JAKMIP1: variants seen among roughly 807,000 people sequenced by gnomAD.
JAKMIP1 encodes janus kinase and microtubule interacting protein 1.
A neutral mutation model predicts 113.0 loss-of-function variants in JAKMIP1; 33 were observed. The observed-to-expected ratio is 0.29, with a 90% CI of 0.22 to 0.39. The LOEUF is 0.39. Among genes scored for constraint, JAKMIP1 ranks in the 10% least tolerant of loss-of-function variants. JAKMIP1 has a pLI of 1.00. For synonymous variants in JAKMIP1, 480 were observed against 459.9 expected (o/e 1.04, Z -0.56); for missense variants, 813 against 1,080.5 (o/e 0.75, Z 3.47).
chr4:6,030,004 G>A (rs1429152424), intron 19 of JAKMIP1, among the ~76,000 whole-genome samples: 1 of 152,124 alleles, frequency 6.6e-6, no homozygotes, highest in Non-Finnish European at 1.5e-5. Context: ...CTCAATTCCA[G>A]CTCTGCAAAG....
chr4:6,046,786 T>G (rs962273824), intron 16 of JAKMIP1, among the ~76,000 whole-genome samples: 3 of 152,062 alleles, frequency 2.0e-5, no homozygotes, highest in Non-Finnish European at 4.4e-5. Context: ...CTGCTGTGGG[T>G]CGGGCGTGGG....
chr4:6,061,067 A>G lies in JAKMIP1; in HGVS notation c.1561-560T>C, dbSNP rs761705889. ...GTGGGGACTGTGGCAAGCCAGAGGC[A>G]CACGTCCCATCTCAGGGAGACACTG... On this transcript the variant is annotated intron_variant, in intron 10 of 20. Coordinates refer to ENST00000409021, the MANE Select transcript of JAKMIP1 (RefSeq NM_001099433.2). This position sits in a 1 kb window ranked among gnomAD's most constrained non-coding sequence, Gnocchi z 5.3. Among the ~76,000 whole-genome samples, 1 of 152,234 alleles carries G rather than the reference A, an allele frequency of 6.6e-6. No individual in the cohort carries two copies. Among genetic ancestry groups the G allele is most frequent in the African/African-American group, 2.4e-5 (1 of 41,474 alleles).
chr4:6,053,468 G>A (rs144230755), intron 13 of JAKMIP1, among the ~76,000 whole-genome samples: 77 of 152,280 alleles, frequency 5.1e-4, no homozygotes, highest in African/African-American at 1.8e-3. Flanking sequence ...TTTCTTAAAC[G>A]CCTATGCAAA....
rs1311795015 is a variant in JAKMIP1 at position 6,044,046 on chromosome 4, T to C, written c.2029-1819A>G. 6.6e-6 allele frequency among the ~76,000 whole-genome samples: 1 copy of C among 151,938 alleles called. No homozygotes were observed. Among genetic ancestry groups the C allele is most frequent in the Non-Finnish European group, 1.5e-5 (1 of 67,978 alleles). On this transcript the variant is annotated intron_variant, in intron 16 of 20. Coordinates refer to ENST00000409021, the MANE Select transcript of JAKMIP1 (RefSeq NM_001099433.2). The surrounding 1 kb of genome is among the most constrained non-coding windows in gnomAD (Gnocchi z 4.4). ...CCTCAGCCCCAGGCCTTTAACAAGC[T>C]AGCATCACTCAGTCTTCAGGCCCTG...
At position 6,105,796 on chromosome 4, in the gene JAKMIP1, G is replaced by A. The variant is rs1177961270; in HGVS notation, c.301C>T (p.Arg101Cys). ...TCGCCCTCCTTGATCTTGGCGGTGC[G>A]CGCCGCCTCCTGCTCGTGCTGCCGG... ...LIRQHEQEAA[R>C]TAKIKEGELQ... The change falls in exon 3 of 21, where the codon CGC becomes TGC. Residue 101 changes from arginine (R) to cysteine (C), a missense_variant. Arg to Cys is a radical substitution (Grantham distance 180, BLOSUM62 -3). Coordinates refer to ENST00000409021, the MANE Select transcript of JAKMIP1 (RefSeq NM_001099433.2). 6 of 1,608,366 alleles carry A rather than the reference G, an allele frequency of 3.7e-6. No homozygotes were observed. The highest frequency in any genetic ancestry group is 3.4e-6 in the Non-Finnish European group (4 of 1,179,576).
rs1440983000 is a variant in JAKMIP1 at position 6,129,201 on chromosome 4, A to C, written c.-147-16204T>G. 6.6e-6 allele frequency among the ~76,000 whole-genome samples: 1 copy of C among 152,202 alleles called. No homozygotes were observed. The highest frequency in any genetic ancestry group is 1.9e-4 in the East Asian group (1 of 5,186). On this transcript the variant is annotated intron_variant, in intron 1 of 20. Coordinates refer to ENST00000409021, the MANE Select transcript of JAKMIP1 (RefSeq NM_001099433.2). This position sits in a 1 kb window ranked among gnomAD's most constrained non-coding sequence, Gnocchi z 5.4. ...GGAGGACACACGCCATCCAGCCATC[A>C]AGGGACACAGGTTTCCTGATTCCTT...
rs1310515836 is a variant in JAKMIP1 at position 6,094,135 on chromosome 4, G to A, written c.625-8506C>T. On this transcript the variant is annotated intron_variant, in intron 3 of 20. Transcript: ENST00000409021. The surrounding 1 kb of genome is among the most constrained non-coding windows in gnomAD (Gnocchi z 4.2). ...GGCATCTATATAGGGAACATGCATC[G>A]AACACATGCCACTGTCAGTTCATGA... Among the ~76,000 whole-genome samples the A allele has an allele frequency of 1.3e-5, 2 of 151,864 alleles. No individual in the cohort carries two copies. The highest frequency in any genetic ancestry group is 2.9e-5 in the Non-Finnish European group (2 of 67,986).
In JAKMIP1 at chr4:6,061,575, G is replaced by A. The variant is rs1316177029; in HGVS notation, c.1560+737C>T. ...CCGAGAAACCTGGCCTCGACTCCCA[G>A]CTCTGTTCAGCATCATCTGGGTATT... On this transcript the variant is annotated intron_variant, in intron 10 of 20. Transcript: ENST00000409021. This position sits in a 1 kb window ranked among gnomAD's most constrained non-coding sequence, Gnocchi z 5.3. Among the ~76,000 whole-genome samples, 1 of 152,190 alleles carries A rather than the reference G, an allele frequency of 6.6e-6. No homozygotes were observed. Among genetic ancestry groups the A allele is most frequent in the African/African-American group, 2.4e-5 (1 of 41,434 alleles).
At chr4:6,117,553 T>C (rs993170199) in intron 1 of JAKMIP1, among the ~76,000 whole-genome samples, 11 of 152,138 alleles carry the variant, frequency 7.2e-5, no homozygotes, top group African/African-American at 2.7e-4. Flanking sequence ...AATGAAGTTT[T>C]GGGCACCATT....
intron 8 of JAKMIP1, among the ~76,000 whole-genome samples, chr4:6,066,642 TC>T (rs1314246011): frequency 6.6e-6 from 1 of 151,820 alleles, no homozygotes; most frequent in Admixed American, 6.6e-5. Flanking sequence ...CCAGGAGTCC[TC>T]CCCTGTCTTC....
At position 6,156,223 on chromosome 4, in the gene JAKMIP1, G is replaced by A. The variant is rs1419071002; in HGVS notation, c.-147-43226C>T. On this transcript the variant is annotated intron_variant, in intron 1 of 20. Transcript: ENST00000409021. The surrounding 1 kb of genome is among the most constrained non-coding windows in gnomAD (Gnocchi z 5.0). ...CCAGCCACGCGCAAAGCCAGCCCTC[G>A]GAAGTGGCCCGCCAACACAGGAACA... 6.6e-6 allele frequency among the ~76,000 whole-genome samples: 1 copy of A among 152,202 alleles called. No homozygotes were observed. Among genetic ancestry groups the A allele is most frequent in the Non-Finnish European group, 1.5e-5 (1 of 68,034 alleles).
At chr4:6,146,286 G>T (rs1362502470) in intron 1 of JAKMIP1, among the ~76,000 whole-genome samples, 1 of 152,084 alleles carries the variant, frequency 6.6e-6, no homozygotes, top group East Asian at 1.9e-4. Context: ...TTTCAGTTTT[G>T]CTTAATGAAA....
At chr4:6,053,523 C>T (rs1715945496) in intron 13 of JAKMIP1, among the ~76,000 whole-genome samples, 1 of 152,136 alleles carries the variant, frequency 6.6e-6, no homozygotes, top group Non-Finnish European at 1.5e-5. Flanking sequence ...TTTACCTTGG[C>T]AAATAGAAAA....
At chr4:6,190,443 T>G (rs1727131931) in intron 1 of JAKMIP1, among the ~76,000 whole-genome samples, 1 of 152,018 alleles carries the variant, frequency 6.6e-6, no homozygotes, top group African/African-American at 2.4e-5. Context: ...CTACACTCTT[T>G]CCATAAGTGA....
chr4:6,156,345 C>A lies in JAKMIP1; in HGVS notation c.-147-43348G>T, dbSNP rs1288375746. Among the ~76,000 whole-genome samples, 8 of 152,296 alleles carry A rather than the reference C, an allele frequency of 5.3e-5. No homozygotes were observed. The East Asian group carries it at 1.5e-3, about 29-fold the overall frequency. On this transcript the variant is annotated intron_variant, in intron 1 of 20. Transcript: ENST00000409021. The surrounding 1 kb of genome is among the most constrained non-coding windows in gnomAD (Gnocchi z 5.0). Reference sequence around the variant, plus strand: ...CCCCATCATCATTTAATGAATAGCACTTTTTCCCATTTCTTTAGTGGTACA... The same window carrying A: ...CCCCATCATCATTTAATGAATAGCAATTTTTCCCATTTCTTTAGTGGTACA...
In JAKMIP1 at chr4:6,138,534, G is replaced by T. The variant is rs561552067; in HGVS notation, c.-147-25537C>A. 3.7e-4 allele frequency among the ~76,000 whole-genome samples: 57 copies of T among 152,220 alleles called. No individual in the cohort carries two copies. Among genetic ancestry groups the T allele is most frequent in the African/African-American group, 1.3e-3 (55 of 41,508 alleles). On this transcript the variant is annotated intron_variant, in intron 1 of 20. Coordinates refer to ENST00000409021, the MANE Select transcript of JAKMIP1 (RefSeq NM_001099433.2). The surrounding 1 kb of genome is among the most constrained non-coding windows in gnomAD (Gnocchi z 6.0). ...TTACAGGCGTGAGCCACTGCACCTG[G>T]CCTAGAATCCAAGTTAAAATTAAAG...
rs1223850769 is a variant in JAKMIP1, at chr4:6,150,990, T to C, written c.-147-37993A>G. ...AACACCTGGTGAAGGCTGCTGGGGATGGCAGCTCTTTCTCCCCAAGCTTTG... is the reference window on the plus strand; with the variant it reads ...AACACCTGGTGAAGGCTGCTGGGGACGGCAGCTCTTTCTCCCCAAGCTTTG... On this transcript the variant is annotated intron_variant, in intron 1 of 20. Coordinates refer to ENST00000409021, the MANE Select transcript of JAKMIP1 (RefSeq NM_001099433.2). The surrounding 1 kb of genome is among the most constrained non-coding windows in gnomAD (Gnocchi z 4.8). Among the ~76,000 whole-genome samples, 1 of 152,126 alleles carries C rather than the reference T, an allele frequency of 6.6e-6. No individual in the cohort carries two copies. Among genetic ancestry groups the C allele is most frequent in the Non-Finnish European group, 1.5e-5 (1 of 68,020 alleles).
chr4:6,131,162 C>CAAAAAAAAA (rs1269297167), intron 1 of JAKMIP1, among the ~76,000 whole-genome samples: 6 of 18,100 alleles, frequency 3.3e-4, no homozygotes, highest in African/African-American at 1.4e-3. Context: ...ACCTTGCCTC[C>CAAAAAAAAA]AAAAAAAAAA....
chr4:6,055,041 T>C (rs531936978), intron 12 of JAKMIP1, among the ~76,000 whole-genome samples: 142 of 147,436 alleles, frequency 9.6e-4, no homozygotes, highest in African/African-American at 3.7e-3. Flanking sequence ...CAAATGCCCT[T>C]GAGAAATGCA....
Sources: allele counts gnomAD v4.1 joint callset (sites outside exome capture counted in the v4.1 genomes callset), GRCh38; gene constraint gnomAD v4.1.1; non-coding constraint Gnocchi (gnomAD v3.1); transcripts MANE v1.5; gene names NCBI Gene and HGNC (gene_info 2026-07-23, HGNC 2026-07-21).